Variants in FAM227A observed in about 807,000 individuals in gnomAD.
FAM227A encodes protein FAM227A.
Under a neutral mutation model 74.7 loss-of-function variants are expected in FAM227A, and 80 were observed. The observed-to-expected ratio is 1.07, with a 90% CI of 0.89 to 1.29. The LOEUF (loss-of-function observed/expected upper bound fraction) is 1.29. Ranked by LOEUF, FAM227A falls within the 50% of genes most tolerant of loss-of-function variation. The pLI is 0.00. For synonymous variants in FAM227A, 237 were observed against 241.8 expected (o/e 0.98, Z 0.19); for missense variants, 654 against 683.4 (o/e 0.96, Z 0.48).
Position 38,582,713 on chromosome 22 carries a change from G to C in FAM227A, c.*3412C>G. On this transcript the variant is annotated 3_prime_UTR_variant, in exon 17 of 17. Coordinates refer to ENST00000535113, the MANE Select transcript of FAM227A (RefSeq NM_001013647.2). ...AGAAATGCAGTTTGTCCTGGGCTTA[G>C]AAAATAAGGAGACCTTCTTGCTGTA... The C allele has an allele frequency of 4.5e-6, 5 of 1,115,132 alleles. No homozygotes were observed. Among genetic ancestry groups the C allele is most frequent in the Non-Finnish European group, 6.4e-6 (5 of 783,568 alleles). 69.1% of individuals were successfully genotyped at this position (1,115,132 alleles called of 1,614,324 possible).
chr22:38,629,234 C>G (rs2091869789), intron 6 of FAM227A, among the ~76,000 whole-genome samples: 1 of 152,222 alleles, frequency 6.6e-6, no homozygotes, highest in Non-Finnish European at 1.5e-5. Flanking sequence ...ACCTCCTACA[C>G]TCAGCCAACA....
intron 11 of FAM227A, among the ~76,000 whole-genome samples, chr22:38,613,902 C>CG (rs1429686548): frequency 1.3e-5 from 2 of 152,070 alleles, no homozygotes; most frequent in African/African-American, 4.8e-5. Context: ...GACAGGGTCT[C>CG]GCTCTACTGC....
rs565355128 is a variant in FAM227A at position 38,639,309 on chromosome 22, T to C, written c.295+346A>G. ...CTGTAATCCCAGCTACTCAGGAGGC[T>C]GAGGCAGGAGAATTGCTTGAACCCG... On this transcript the variant is annotated intron_variant, in intron 4 of 16. Coordinates refer to ENST00000535113, the MANE Select transcript of FAM227A (RefSeq NM_001013647.2). Among the ~76,000 whole-genome samples the C allele has an allele frequency of 1.1e-3, 164 of 150,720 alleles. 1 individual carries two copies. The highest frequency in any genetic ancestry group is 1.5e-3 in the Non-Finnish European group (99 of 67,838).
At chr22:38,620,144 A>G in intron 11 of FAM227A, 68 bp downstream of exon 11, 2 of 1,123,246 alleles carry the variant, frequency 1.8e-6, no homozygotes, top group South Asian at 2.7e-5. Context: ...CTGATGCTCC[A>G]GAAGAACCGA....
intron 5 of FAM227A, among the ~76,000 whole-genome samples, chr22:38,637,605 A>G (rs1281846556): frequency 1.3e-5 from 2 of 152,242 alleles, no homozygotes; most frequent in Non-Finnish European, 2.9e-5. Flanking sequence ...AGAACAGTTC[A>G]TGATTCACGG....
At chr22:38,586,469 G>A (rs761935679) in intron 16 of FAM227A, among the ~76,000 whole-genome samples, 2 of 152,032 alleles carry the variant, frequency 1.3e-5, no homozygotes, top group Non-Finnish European at 2.9e-5. Flanking sequence ...AAACCTCTAG[G>A]TAGCAGGCAG....
intron 12 of FAM227A, 141 bp from the exon 13 acceptor site, chr22:38,605,489 C>T (rs1217867444): frequency 1.7e-6 from 1 of 604,668 alleles, no homozygotes; most frequent in Admixed American, 2.8e-5. Context: ...GGGGTTTCGC[C>T]ATGTTGACCA....
At chr22:38,626,914 A>ATATATATACC (rs2091822245) in intron 8 of FAM227A, among the ~76,000 whole-genome samples, 1 of 78,432 alleles carries the variant, frequency 1.3e-5, no homozygotes. Context: ...ATATATATAT[A>ATATATATACC]CACGTATATA....
chr22:38,584,800 A>G lies in FAM227A; in HGVS notation c.*1325T>C, dbSNP rs2090771702. 6.6e-6 allele frequency: 1 copy of G among 152,172 alleles called. No homozygotes were observed. Among genetic ancestry groups the G allele is most frequent in the African/African-American group, 2.4e-5 (1 of 41,416 alleles). The allele number at this position is 152,172 out of a possible 1,614,324, so 9.4% of individuals were successfully genotyped here. ...TTTAATTTAGTTAAAATTAATTAAA[A>G]AAAATTTTTTTTTGAGACAGAGTTT... On this transcript the variant is annotated 3_prime_UTR_variant, in exon 17 of 17. Coordinates refer to ENST00000535113, the MANE Select transcript of FAM227A (RefSeq NM_001013647.2).
At chr22:38,649,942 G>T in intron 2 of FAM227A, 85 bp downstream of exon 2, 3 of 1,183,148 alleles carry the variant, frequency 2.5e-6, no homozygotes, top group Non-Finnish European at 2.4e-6. Context: ...GTGCATTATA[G>T]ACCTGAGCAC....
intron 8 of FAM227A, among the ~76,000 whole-genome samples, chr22:38,626,891 A>AAAAAAAAAAATATATATAT (rs1555966996): frequency 3.5e-5 from 2 of 57,688 alleles, no homozygotes; most frequent in Non-Finnish European, 5.9e-5. Flanking sequence ...AAAAAAAAAA[A>AAAAAAAAAAATATATATAT]ATATATATAT....
At chr22:38,626,889 AAAATATATAT>A (rs2091817299) in intron 8 of FAM227A, among the ~76,000 whole-genome samples, 1 of 86,538 alleles carries the variant, frequency 1.2e-5, no homozygotes, top group African/African-American at 5.6e-5. Context: ...AAAAAAAAAA[AAAATATATAT>A]ATATATATAT....
intron 11 of FAM227A, among the ~76,000 whole-genome samples, chr22:38,613,788 C>T (rs893961494): frequency 1.3e-5 from 2 of 152,078 alleles, no homozygotes; most frequent in African/African-American, 4.8e-5. Flanking sequence ...ATATTTAACG[C>T]CCACATTGTG....
chr22:38,597,113 C>T (rs1008483835), intron 15 of FAM227A, 91 bp downstream of exon 15: 1 of 1,278,962 alleles, frequency 7.8e-7, no homozygotes, highest in Non-Finnish European at 1.1e-6. Context: ...GGAAACCCCC[C>T]TGCCCCACCA....
chr22:38,653,341 A>G (rs1372968073), intron 1 of FAM227A, among the ~76,000 whole-genome samples: 1 of 151,900 alleles, frequency 6.6e-6, no homozygotes, highest in Non-Finnish European at 1.5e-5. Context: ...TTACAATGTA[A>G]TAACAGTAGA....
chr22:38,620,843 T>C (rs1644613392), intron 10 of FAM227A, among the ~76,000 whole-genome samples: 1 of 151,784 alleles, frequency 6.6e-6, no homozygotes, highest in African/African-American at 2.4e-5. Context: ...TGCACAGCTC[T>C]GTGCATAGGG....
intron 10 of FAM227A, among the ~76,000 whole-genome samples, chr22:38,621,349 CAAAAA>C (rs35716573): frequency 2.5e-5 from 2 of 79,192 alleles, no homozygotes; most frequent in Middle Eastern, 7.0e-3. Flanking sequence ...GACTCTGTCT[CAAAAA>C]AAAAAAAAAG....
At chr22:38,635,640 A>C (rs1166513853) in intron 6 of FAM227A, among the ~76,000 whole-genome samples, 1 of 152,156 alleles carries the variant, frequency 6.6e-6, no homozygotes, top group Non-Finnish European at 1.5e-5. Flanking sequence ...TCTGCAAGGA[A>C]GCATACTCAC....
chr22:38,636,633 A>C, intron 5 of FAM227A, 36 bp from the exon 6 acceptor site: 1 of 1,536,718 alleles, frequency 6.5e-7, no homozygotes. Context: ...AATGGGGTTC[A>C]CATTTTGACA....
Sources: allele counts gnomAD v4.1 joint callset (sites outside exome capture counted in the v4.1 genomes callset), GRCh38; gene constraint gnomAD v4.1.1; transcripts MANE v1.5; gene names NCBI Gene and HGNC (gene_info 2026-07-23, HGNC 2026-07-21).